CHKA: variants seen among roughly 807,000 people sequenced by gnomAD.
CHKA encodes the protein choline kinase alpha, also known as CHETK-alpha.
In CHKA, 34 loss-of-function variants were observed where a neutral mutation model predicts 60.1. That is an observed-to-expected ratio of 0.57 (90% CI 0.43 to 0.75). The LOEUF (loss-of-function observed/expected upper bound fraction) is 0.75. CHKA is among the 30% of genes least tolerant of loss of function. CHKA has a pLI of 0.00. For missense variants in CHKA, 563 were observed against 561.3 expected, an observed-to-expected ratio of 1.00 and a Z score of -0.03; for synonymous variants, 217 against 223.1, an observed-to-expected ratio of 0.97 and a Z score of 0.24.
intron 2 of CHKA, among the ~76,000 whole-genome samples, chr11:68,089,009 T>C (rs1372963446): frequency 6.6e-6 from 1 of 152,188 alleles, no homozygotes; most frequent in African/African-American, 2.4e-5. Flanking sequence ...GTCTCTAGAG[T>C]GTCTTCAATT....
At chr11:68,092,694 A>G (rs1393409292) in intron 2 of CHKA, among the ~76,000 whole-genome samples, 1 of 152,170 alleles carries the variant, frequency 6.6e-6, no homozygotes, top group Non-Finnish European at 1.5e-5. Flanking sequence ...ATGGCCATTA[A>G]TATCTGAAAC....
At chr11:68,117,658 C>T (rs780778334) in intron 1 of CHKA, among the ~76,000 whole-genome samples, 1 of 152,086 alleles carries the variant, frequency 6.6e-6, no homozygotes, top group Admixed American at 6.6e-5. Context: ...GCCTGGGTGA[C>T]AGAGCAAGAC....
At chr11:68,100,994 C>CTGG (rs1208475849) in intron 1 of CHKA, among the ~76,000 whole-genome samples, 2 of 128,320 alleles carry the variant, frequency 1.6e-5, no homozygotes, top group Non-Finnish European at 3.1e-5. Flanking sequence ...GTCACCCAGG[C>CTGG]TGGAGTGCAA....
At chr11:68,066,885 C>G (rs1856462157) in intron 7 of CHKA, among the ~76,000 whole-genome samples, 1 of 152,208 alleles carries the variant, frequency 6.6e-6, no homozygotes, top group Non-Finnish European at 1.5e-5. Context: ...CTCAGCAGCC[C>G]TGGGACTTGG....
intron 11 of CHKA, among the ~76,000 whole-genome samples, chr11:68,056,110 C>T (rs1283424851): frequency 6.6e-6 from 1 of 152,156 alleles, no homozygotes; most frequent in African/African-American, 2.4e-5. Context: ...CTTTATATAT[C>T]CTAAATATGA....
At chr11:68,092,618 T>TG (rs1857385395) in intron 2 of CHKA, among the ~76,000 whole-genome samples, 1 of 152,204 alleles carries the variant, frequency 6.6e-6, no homozygotes. Context: ...AGCCATCTTT[T>TG]GGAGTTCTTG....
At chr11:68,062,394 TG>T (rs1856281755) in intron 10 of CHKA, among the ~76,000 whole-genome samples, 1 of 152,226 alleles carries the variant, frequency 6.6e-6, no homozygotes, top group Non-Finnish European at 1.5e-5. Flanking sequence ...AAAGCAAGCT[TG>T]CTACAAGGGA....
chr11:68,121,250 C>G lies in CHKA; in HGVS notation c.-73G>C, dbSNP rs1280901339. 5.7e-6 allele frequency: 6 copies of G among 1,061,846 alleles called. No homozygotes were observed. The African/African-American group carries it at 1.0e-4, about 18-fold the overall frequency. 65.8% of individuals were successfully genotyped at this position (1,061,846 alleles called of 1,614,324 possible). ...CTAGGCTCAGAGTCCGGCCGGGCGC[C>G]CCCTCGCCGCTCTCTCACTGGCAGG... On this transcript the variant is annotated 5_prime_UTR_variant, in exon 1 of 12. Transcript: ENST00000265689.
At chr11:68,106,070 G>A (rs1010232280) in intron 1 of CHKA, among the ~76,000 whole-genome samples, 1 of 151,970 alleles carries the variant, frequency 6.6e-6, no homozygotes, top group Non-Finnish European at 1.5e-5. Flanking sequence ...AGAGCACAAG[G>A]AAAATAAGAA....
Position 68,121,267 on chromosome 11 carries a change from A to C in CHKA, c.-90T>G. 4 of 1,001,488 alleles carry C rather than the reference A, an allele frequency of 4.0e-6. No homozygotes were observed. The highest frequency in any genetic ancestry group is 4.8e-6 in the Non-Finnish European group (4 of 830,696). 62.0% of individuals were successfully genotyped at this position (1,001,488 alleles called of 1,614,324 possible). ...CCGGGCGCCCCCTCGCCGCTCTCTC[A>C]CTGGCAGGCCGGCGGGGCAGGGGGC... On this transcript the variant is annotated 5_prime_UTR_variant, in exon 1 of 12. Transcript: ENST00000265689.
intron 2 of CHKA, among the ~76,000 whole-genome samples, chr11:68,088,110 CAAAAAAAA>C (rs55932145): frequency 2.8e-3 from 199 of 71,262 alleles, no homozygotes; most frequent in Non-Finnish European, 4.1e-3. Context: ...GAGGCTGTCT[CAAAAAAAA>C]AAAAAAAAAA....
chr11:68,061,954 A>G lies in CHKA; in HGVS notation c.1313T>C (p.Met438Thr), dbSNP rs778016291. 6.3e-7 allele frequency: 1 copy of G among 1,583,924 alleles called. No homozygotes were observed. The highest frequency in any genetic ancestry group is 1.8e-5 in the Admixed American group (1 of 55,374). ...AACAAAAACGCTGCTAAAACATACC[A>G]TGTACCCAAATTCAATAGATGAAAT... ...AKISSIEFGYMDYAQARFDAY... is the reference protein window; with the variant it reads ...AKISSIEFGYTDYAQARFDAY... Residue 438 changes from methionine to threonine, a missense_variant and splice_region_variant, in exon 11 of 12, where the codon ATG becomes ACG. Met to Thr is a moderately conservative substitution (Grantham distance 81). Transcript: ENST00000265689.
At chr11:68,073,416 G>T (rs1856686417) in intron 4 of CHKA, among the ~76,000 whole-genome samples, 1 of 152,132 alleles carries the variant, frequency 6.6e-6, no homozygotes, top group Non-Finnish European at 1.5e-5. Flanking sequence ...CACTTTGGGA[G>T]GCCAAGGCGG....
intron 6 of CHKA, 119 bp downstream of exon 6, chr11:68,070,070 A>G: frequency 1.3e-6 from 1 of 775,078 alleles, no homozygotes. Context: ...TTATGGTTTA[A>G]ATTCATCCTG....
In CHKA at chr11:68,105,599, T is replaced by C. The variant is rs528960306; in HGVS notation, c.351-8469A>G. Among the ~76,000 whole-genome samples the C allele has an allele frequency of 5.9e-5, 9 of 151,712 alleles. No individual in the cohort carries two copies. In the East Asian group the frequency reaches 1.4e-3, roughly 23 times the overall value. On this transcript the variant is annotated intron_variant, in intron 1 of 11. Coordinates refer to ENST00000265689, the MANE Select transcript of CHKA (RefSeq NM_001277.3). ...TGTCAAACATCTACCTATTTTTAAT[T>C]ATTTGGGTTTTTTCCCCTGTCATTT...
intron 2 of CHKA, among the ~76,000 whole-genome samples, chr11:68,083,372 A>G (rs1205811961): frequency 1.3e-5 from 2 of 152,196 alleles, no homozygotes; most frequent in East Asian, 3.8e-4. Flanking sequence ...TAAGAACAAA[A>G]AAGTTCTATA....
chr11:68,078,203 G>A (rs189641349), intron 3 of CHKA, among the ~76,000 whole-genome samples: 4 of 152,202 alleles, frequency 2.6e-5, no homozygotes, highest in African/African-American at 9.6e-5. Context: ...TCACAACTGG[G>A]CAACACTTAT....
At chr11:68,057,850 A>G (rs1458682423) in intron 11 of CHKA, among the ~76,000 whole-genome samples, 1 of 152,110 alleles carries the variant, frequency 6.6e-6, no homozygotes, top group East Asian at 1.9e-4. Flanking sequence ...TTATATACAC[A>G]TGGATCAATT....
chr11:68,056,559 G>A (rs1856022897), intron 11 of CHKA, among the ~76,000 whole-genome samples: 2 of 152,206 alleles, frequency 1.3e-5, no homozygotes, highest in Admixed American at 1.3e-4. Flanking sequence ...AAATGCCCAA[G>A]AGGACAGGGT....
Sources: gnomAD v4.1 joint callset for allele counts (sites outside exome capture counted in the v4.1 genomes callset) on GRCh38, gnomAD v4.1.1 for gene constraint, MANE v1.5 for transcripts, NCBI Gene and HGNC (gene_info 2026-07-23, HGNC 2026-07-21) for gene names.